The following MNS1 variants were observed in gnomAD, a reference collection of about 807,000 sequenced individuals.
MNS1 encodes meiosis specific nuclear structural 1.
Under a neutral mutation model 72.0 loss-of-function variants are expected in MNS1, and 63 were observed. That is an observed-to-expected ratio of 0.87 (90% CI 0.71 to 1.08). The LOEUF is 1.08. Among genes scored for constraint, MNS1 ranks in the 50% least tolerant of loss-of-function variants. MNS1 has a pLI of 0.00. For missense variants in MNS1, 604 were observed against 562.4 expected, an observed-to-expected ratio of 1.07 and a Z score of -0.75; for synonymous variants, 188 against 172.1, an observed-to-expected ratio of 1.09 and a Z score of -0.72.
intron 8 of MNS1, 49 bp downstream of exon 8, chr15:56,434,089 A>G: frequency 6.4e-7 from 1 of 1,566,750 alleles, no homozygotes; most frequent in Non-Finnish European, 8.7e-7. Flanking sequence ...TAGATGAGCT[A>G]TTGCTGTTTA....
chr15:56,462,955 G>A lies in MNS1; in HGVS notation c.225+1071C>T, dbSNP rs2051032640. On this transcript the variant is annotated intron_variant, in intron 2 of 9. Transcript: ENST00000260453. Reference sequence around the variant, plus strand: ...AACCCCTAAGATGTGCTTTCTCAGAGTTAAAAAAAAAAATCATATCTAAGC... The same window carrying A: ...AACCCCTAAGATGTGCTTTCTCAGAATTAAAAAAAAAAATCATATCTAAGC... 2.0e-5 allele frequency among the ~76,000 whole-genome samples: 3 copies of A among 151,378 alleles called. No homozygotes were observed. In the South Asian group the frequency reaches 6.2e-4, roughly 31 times the overall value.
At chr15:56,440,765 C>G (rs2050803208) in intron 7 of MNS1, among the ~76,000 whole-genome samples, 1 of 152,110 alleles carries the variant, frequency 6.6e-6, no homozygotes, top group Non-Finnish European at 1.5e-5. Context: ...GAGGCACATA[C>G]TTTTAAATTT....
At chr15:56,457,563 G>A (rs1403405560) in intron 2 of MNS1, among the ~76,000 whole-genome samples, 3 of 152,102 alleles carry the variant, frequency 2.0e-5, no homozygotes, top group Admixed American at 6.6e-5. Context: ...TGGCTTACAC[G>A]TGTAATCCCA....
At chr15:56,449,767 G>C (rs945074426) in intron 3 of MNS1, among the ~76,000 whole-genome samples, 2 of 152,074 alleles carry the variant, frequency 1.3e-5, no homozygotes, top group Admixed American at 6.5e-5. Flanking sequence ...ATTTCTTCTT[G>C]TGCCAATCAG....
chr15:56,437,462 A>G (rs2050746551), intron 7 of MNS1, among the ~76,000 whole-genome samples: 1 of 152,204 alleles, frequency 6.6e-6, no homozygotes, highest in Non-Finnish European at 1.5e-5. Flanking sequence ...GATGGGACAT[A>G]TCTCAAAATA....
At chr15:56,429,706 C>A (rs2050515209) in intron 9 of MNS1, 1 of 152,122 alleles carries the variant, frequency 6.6e-6, no homozygotes, top group African/African-American at 2.4e-5. Context: ...TTCTTTTCCC[C>A]TACAGTATAC....
At position 56,443,823 on chromosome 15, in the gene MNS1, C is replaced by T. The variant is rs1169840036; in HGVS notation, c.718G>A (p.Ala240Thr). ...AACTCTTCTATATACCTTCGCATTG[C>T]ATTCATTTTTTCTAACTTTTGTTGT... ...EKQQKLEKMNAMRRYIEEFQK... is the reference protein window; with the variant it reads ...EKQQKLEKMNTMRRYIEEFQK... The change falls in exon 6 of 10, where the codon GCA (alanine) becomes ACA (threonine). Residue 240 changes from alanine to threonine, a missense_variant. Physicochemically the swap from Ala to Thr is moderately conservative, Grantham distance 58 (BLOSUM62 0). Transcript: ENST00000260453. 3.7e-6 allele frequency: 6 copies of T among 1,604,056 alleles called. No homozygotes were observed. In the South Asian group the frequency reaches 6.8e-5, roughly 18 times the overall value.
chr15:56,438,319 A>G lies in MNS1; in HGVS notation c.1012-3924T>C, dbSNP rs372521862. On this transcript the variant is annotated intron_variant, in intron 7 of 9. Transcript: ENST00000260453. ...CCCTCAGAAATAGTACCACACATCT[A>G]CAACCATCTGCTCTTTTTTTTTGTT... 2.0e-5 allele frequency among the ~76,000 whole-genome samples: 3 copies of G among 152,128 alleles called. No homozygotes were observed. In the East Asian group the frequency reaches 5.8e-4, roughly 29 times the overall value.
intron 7 of MNS1, among the ~76,000 whole-genome samples, chr15:56,435,554 A>G (rs1346013937): frequency 1.3e-5 from 2 of 152,074 alleles, no homozygotes; most frequent in African/African-American, 4.8e-5. Context: ...TTATACACAC[A>G]TAAATTTGGC....
chr15:56,443,213 A>T (rs1233750420), intron 7 of MNS1, among the ~76,000 whole-genome samples: 1 of 152,184 alleles, frequency 6.6e-6, no homozygotes, highest in African/African-American at 2.4e-5. Context: ...TACAGACAAC[A>T]TAGTTGCATC....
At chr15:56,447,183 G>A (rs2050911992) in intron 3 of MNS1, 3 of 344,602 alleles carry the variant, frequency 8.7e-6, no homozygotes, top group Non-Finnish European at 1.6e-5. Context: ...TGCTTATCCT[G>A]TGTCAATACC....
intron 3 of MNS1, among the ~76,000 whole-genome samples, chr15:56,451,315 G>A (rs1160649262): frequency 1.3e-5 from 2 of 152,206 alleles, no homozygotes; most frequent in Non-Finnish European, 2.9e-5. Flanking sequence ...GGGAACAAGG[G>A]CTACCTGCCT....
intron 7 of MNS1, among the ~76,000 whole-genome samples, chr15:56,443,140 T>A (rs1373208217): frequency 1.3e-5 from 2 of 152,210 alleles, no homozygotes; most frequent in East Asian, 3.8e-4. Flanking sequence ...AGTGTCTGTA[T>A]GTTACGTATC....
At chr15:56,462,413 C>T (rs2051029372) in intron 2 of MNS1, among the ~76,000 whole-genome samples, 1 of 152,076 alleles carries the variant, frequency 6.6e-6, no homozygotes, top group Non-Finnish European at 1.5e-5. Context: ...GACACAATGA[C>T]AAAGACAGCA....
chr15:56,455,412 G>C (rs1042303792), intron 3 of MNS1, among the ~76,000 whole-genome samples: 3 of 152,046 alleles, frequency 2.0e-5, no homozygotes, highest in African/African-American at 7.2e-5. Flanking sequence ...GAGTTGTGGA[G>C]CCAGAAAAAT....
chr15:56,453,003 A>T (rs1274820392), intron 3 of MNS1, among the ~76,000 whole-genome samples: 7 of 152,150 alleles, frequency 4.6e-5, no homozygotes, highest in Non-Finnish European at 8.8e-5. Flanking sequence ...GGAATAATCA[A>T]TTCCTATTAT....
At chr15:56,459,915 G>A (rs1408817198) in intron 2 of MNS1, among the ~76,000 whole-genome samples, 8 of 145,852 alleles carry the variant, frequency 5.5e-5, no homozygotes, top group African/African-American at 1.0e-4. Flanking sequence ...ACTTGAACCC[G>A]GGAGGCAGAG....
chr15:56,435,186 A>G (rs2050699952), intron 7 of MNS1, among the ~76,000 whole-genome samples: 1 of 152,056 alleles, frequency 6.6e-6, no homozygotes, highest in Admixed American at 6.6e-5. Context: ...TACATTTAGG[A>G]AAATGTATAT....
chr15:56,460,421 A>T (rs577203468), intron 2 of MNS1, among the ~76,000 whole-genome samples: 29 of 152,312 alleles, frequency 1.9e-4, no homozygotes, highest in African/African-American at 6.7e-4. Context: ...CTAAGGATAC[A>T]TGACAACTAA....
Sources: gnomAD v4.1 joint callset for allele counts (sites outside exome capture counted in the v4.1 genomes callset) on GRCh38, gnomAD v4.1.1 for gene constraint, MANE v1.5 for transcripts, NCBI Gene and HGNC (gene_info 2026-07-23, HGNC 2026-07-21) for gene names.